Variants in BACE2 observed in about 807,000 individuals in gnomAD.
BACE2 encodes 56 kDa aspartic-like protease.
BACE2 carries 17 observed loss-of-function variants against 46.2 expected under a neutral mutation model. The observed-to-expected ratio is 0.37, with a 90% CI of 0.25 to 0.55. The LOEUF (loss-of-function observed/expected upper bound fraction) is 0.55. Ranked by LOEUF, BACE2 falls within the 20% of genes least tolerant of loss-of-function variation. The probability of loss-of-function intolerance (pLI) is 0.82; values close to 1 mark genes in which losing one functional copy is unlikely to be tolerated. For missense variants in BACE2, 595 were observed against 698.1 expected (o/e 0.85, Z 1.66); for synonymous variants, 277 against 295.9 (o/e 0.94, Z 0.66).
chr21:41,168,222 G>C lies in BACE2; in HGVS notation c.-42G>C, dbSNP rs1984450446. On this transcript the variant is annotated 5_prime_UTR_variant, in exon 1 of 9. Coordinates refer to ENST00000330333, the MANE Select transcript of BACE2 (RefSeq NM_012105.5). Reference sequence around the variant, plus strand: ...GAGCCGCGGCTGCCGGACGGGACGGGACCGGCTAGGCTGGGCGCGCCCCCC... The same window carrying C: ...GAGCCGCGGCTGCCGGACGGGACGGCACCGGCTAGGCTGGGCGCGCCCCCC... 1 of 1,095,024 alleles carries C rather than the reference G, an allele frequency of 9.1e-7. No homozygotes were observed. Among genetic ancestry groups the C allele is most frequent in the South Asian group, 4.4e-5 (1 of 22,652 alleles). 67.8% of individuals were successfully genotyped at this position (1,095,024 alleles called of 1,614,324 possible). A position where few individuals can be genotyped will look rare whatever the true frequency, so the allele number is the denominator to read the frequency against.
intron 8 of BACE2, among the ~76,000 whole-genome samples, chr21:41,269,513 A>G (rs962241946): frequency 6.6e-6 from 1 of 152,186 alleles, no homozygotes; most frequent in Non-Finnish European, 1.5e-5. Flanking sequence ...ACCCCATGCC[A>G]TTCCCAGGAA....
chr21:41,179,333 G>A (rs1984997822), intron 1 of BACE2: 1 of 1,313,804 alleles, frequency 7.6e-7, no homozygotes, highest in Non-Finnish European at 1.0e-6. Context: ...CCAGGGTGAG[G>A]AGTGAGGGTA....
At chr21:41,217,593 G>T (rs1470022090) in intron 1 of BACE2, among the ~76,000 whole-genome samples, 1 of 152,184 alleles carries the variant, frequency 6.6e-6, no homozygotes, top group Non-Finnish European at 1.5e-5. Flanking sequence ...GGTATCTGCT[G>T]GTTGAGCCTC....
At chr21:41,238,900 A>T (rs1162530149) in intron 3 of BACE2, among the ~76,000 whole-genome samples, 1 of 148,690 alleles carries the variant, frequency 6.7e-6, no homozygotes, top group Non-Finnish European at 1.5e-5. Context: ...ACATGTATAC[A>T]TATGTAACTA....
chr21:41,246,287 T>C (rs1987470180), intron 6 of BACE2: 1 of 274,998 alleles, frequency 3.6e-6, no homozygotes, highest in Non-Finnish European at 6.7e-6. Context: ...GTTTCAACTA[T>C]TACTTGTTAA....
In BACE2 at chr21:41,275,832, T is replaced by TAAA; in HGVS notation, c.*216_*218dup. On this transcript the variant is annotated 3_prime_UTR_variant, in exon 9 of 9. Transcript: ENST00000330333. ...CCTCCCTACTTCCAAGAAAAATAAT[T>TAAA]AAAAAAAAAACTTCATTCTAAACCA... 1.6e-6 allele frequency: 1 copy of TAAA among 622,576 alleles called. No individual in the cohort carries two copies. The allele number at this position is 622,576 out of a possible 1,614,324, so 38.6% of individuals were successfully genotyped here.
At position 41,257,340 on chromosome 21, in the gene BACE2, G is replaced by A; in HGVS notation, c.1303+14G>A. The A allele has an allele frequency of 6.2e-7, 1 of 1,611,506 alleles. No homozygotes were observed. The highest frequency in any genetic ancestry group is 8.5e-7 in the Non-Finnish European group (1 of 1,178,780). ...GCCCCTGTGCAGGTGAGCGATTCTG[G>A]CATCGAACAGGGATCCCCGACAAGA... On this transcript the variant is annotated intron_variant, in intron 8 of 8. Transcript: ENST00000330333.
At chr21:41,261,902 A>G (rs959293378) in intron 8 of BACE2, among the ~76,000 whole-genome samples, 4 of 152,156 alleles carry the variant, frequency 2.6e-5, no homozygotes, top group African/African-American at 9.6e-5. Flanking sequence ...ACATTTTGCC[A>G]TATACCAGTA....
chr21:41,211,418 CT>C (rs1986300058), intron 1 of BACE2, among the ~76,000 whole-genome samples: 1 of 152,240 alleles, frequency 6.6e-6, no homozygotes, highest in South Asian at 2.1e-4. Flanking sequence ...TGATTCCCCC[CT>C]CCCTTTATAA....
chr21:41,254,123 C>T (rs972073500), intron 7 of BACE2, among the ~76,000 whole-genome samples: 4 of 152,178 alleles, frequency 2.6e-5, no homozygotes, highest in Admixed American at 6.5e-5. Flanking sequence ...AGTGGGCAAA[C>T]GATTGCTCCT....
intron 1 of BACE2, among the ~76,000 whole-genome samples, chr21:41,222,753 C>T (rs1255833152): frequency 6.6e-6 from 1 of 152,186 alleles, no homozygotes; most frequent in Non-Finnish European, 1.5e-5. Flanking sequence ...GTGGTGTGGA[C>T]CCCCACAGAC....
At chr21:41,267,315 G>C (rs2088388161) in intron 8 of BACE2, among the ~76,000 whole-genome samples, 2 of 152,340 alleles carry the variant, frequency 1.3e-5, no homozygotes, top group South Asian at 4.1e-4. Context: ...ATCTGACATG[G>C]ATACTAGGGA....
chr21:41,250,550 T>G (rs1268435850), intron 6 of BACE2, among the ~76,000 whole-genome samples: 1 of 152,180 alleles, frequency 6.6e-6, no homozygotes, highest in African/African-American at 2.4e-5. Context: ...AGTAGGTACT[T>G]CATGTGTCTT....
rs549706432 is a variant in BACE2 at position 41,222,042 on chromosome 21, G to A, written c.313-4224G>A. On this transcript the variant is annotated intron_variant, in intron 1 of 8. Coordinates refer to ENST00000330333, the MANE Select transcript of BACE2 (RefSeq NM_012105.5). ...GTGGCTGAGTTGGTTACAAGAATGC[G>A]CTCGGAGTCTGACTCTGGGTTCCAG... Among the ~76,000 whole-genome samples the A allele has an allele frequency of 3.4e-4, 52 of 152,250 alleles. No individual in the cohort carries two copies. The South Asian group carries it at 9.3e-3, about 27-fold the overall frequency.
chr21:41,249,626 C>T lies in BACE2; in HGVS notation c.985-1126C>T, dbSNP rs553330075. 2.8e-4 allele frequency among the ~76,000 whole-genome samples: 42 copies of T among 152,310 alleles called. 2 individuals carry two copies. In the South Asian group the frequency reaches 8.5e-3, roughly 31 times the overall value. On this transcript the variant is annotated intron_variant, in intron 6 of 8. Transcript: ENST00000330333. The stretch of plus-strand genomic sequence containing the variant: ...CTGCAGCACCCCCGACCACACACCT[C>T]CCCAGCGCCTGCTTGGCCCTCCAGC...
At chr21:41,218,538 C>T (rs1346424081) in intron 1 of BACE2, among the ~76,000 whole-genome samples, 11 of 152,028 alleles carry the variant, frequency 7.2e-5, no homozygotes, top group Admixed American at 7.2e-4. Flanking sequence ...AACCTCTTTC[C>T]TTATAGAATG....
chr21:41,172,347 G>A (rs1210400279), intron 1 of BACE2, among the ~76,000 whole-genome samples: 1 of 152,220 alleles, frequency 6.6e-6, no homozygotes, highest in African/African-American at 2.4e-5. Flanking sequence ...AGCTGACCTT[G>A]ATTTCTTGCT....
chr21:41,188,292 G>A (rs1985448253), intron 1 of BACE2, among the ~76,000 whole-genome samples: 2 of 152,114 alleles, frequency 1.3e-5, no homozygotes, highest in Admixed American at 6.5e-5. Flanking sequence ...ATGGACATAT[G>A]CCTCATTGCC....
intron 1 of BACE2, among the ~76,000 whole-genome samples, chr21:41,204,082 T>C (rs551512488): frequency 6.6e-6 from 1 of 152,292 alleles, no homozygotes; most frequent in East Asian, 1.9e-4. Context: ...AGTGGTGCAG[T>C]CTTGGCTCAC....
Sources: gnomAD v4.1 joint callset for allele counts (sites outside exome capture counted in the v4.1 genomes callset) on GRCh38, gnomAD v4.1.1 for gene constraint, MANE v1.5 for transcripts, NCBI Gene and HGNC (gene_info 2026-07-23, HGNC 2026-07-21) for gene names.